Variants in WWOX observed in about 807,000 individuals in gnomAD.
The protein encoded by WWOX is WW domain containing oxidoreductase.
WWOX carries 69 observed loss-of-function variants against 46.2 expected under a neutral mutation model. The observed-to-expected ratio is 1.49, with a 90% confidence interval of 1.23 to 1.82. WWOX has a LOEUF of 1.82. WWOX is among the 40% of genes most tolerant of loss of function. WWOX has a pLI of 0.00. For missense variants in WWOX, 919 were observed against 542.6 expected (o/e 1.69, Z -6.89); for synonymous variants, 359 against 202.6 (o/e 1.77, Z -6.56).
At chr16:78,927,734 G>A (rs1045372512) in intron 8 of WWOX, among the ~76,000 whole-genome samples, 10 of 152,094 alleles carry the variant, frequency 6.6e-5, no homozygotes, top group African/African-American at 2.2e-4. Context: ...TGTATCTTTT[G>A]TTTCTGATTT....
intron 8 of WWOX, among the ~76,000 whole-genome samples, chr16:79,198,173 AC>A (rs11345990): frequency 0.095 from 14,264 of 150,514 alleles, 871 homozygotes; most frequent in African/African-American, 0.18. Flanking sequence ...AAAAAAAAAA[AC>A]AAAAACCACA....
At chr16:78,791,893 C>T (rs1165810111) in intron 8 of WWOX, among the ~76,000 whole-genome samples, 1 of 152,102 alleles carries the variant, frequency 6.6e-6, no homozygotes, top group Non-Finnish European at 1.5e-5. Context: ...ACAACAACAA[C>T]AACAACAACA....
chr16:78,603,890 C>T (rs1449274050), intron 8 of WWOX, among the ~76,000 whole-genome samples: 1 of 151,914 alleles, frequency 6.6e-6, no homozygotes, highest in Non-Finnish European at 1.5e-5. Context: ...ACCTGTAATC[C>T]CAGCACTTCA....
chr16:78,468,274 T>C (rs576907177), intron 8 of WWOX, among the ~76,000 whole-genome samples: 19 of 151,878 alleles, frequency 1.3e-4, no homozygotes, highest in Non-Finnish European at 2.6e-4. Flanking sequence ...CTTTTTTTTT[T>C]TTTTTTTTAA....
At chr16:78,325,678 G>T (rs1174730907) in intron 5 of WWOX, among the ~76,000 whole-genome samples, 3 of 152,198 alleles carry the variant, frequency 2.0e-5, no homozygotes, top group Admixed American at 2.0e-4. Flanking sequence ...TCTCCTTCTT[G>T]GAGATTGCTG....
At chr16:78,862,933 A>G (rs1597075610) in intron 8 of WWOX, among the ~76,000 whole-genome samples, 1 of 151,496 alleles carries the variant, frequency 6.6e-6, no homozygotes, top group South Asian at 2.1e-4. Flanking sequence ...GACACATACA[A>G]TTAGACATCA....
chr16:78,293,596 A>G (rs2079893428), intron 5 of WWOX, among the ~76,000 whole-genome samples: 1 of 152,130 alleles, frequency 6.6e-6, no homozygotes, highest in Non-Finnish European at 1.5e-5. Context: ...AGTAGGTCAT[A>G]AAGTGGAATC....
intron 8 of WWOX, among the ~76,000 whole-genome samples, chr16:78,985,988 T>C (rs2046777255): frequency 2.0e-5 from 3 of 152,210 alleles, no homozygotes; most frequent in African/African-American, 7.2e-5. Flanking sequence ...AACAATGCAC[T>C]GTGCTGACCT....
intron 4 of WWOX, among the ~76,000 whole-genome samples, chr16:78,131,777 G>A (rs1029326753): frequency 1.3e-4 from 19 of 151,042 alleles, no homozygotes; most frequent in African/African-American, 1.9e-4. Flanking sequence ...GTAGAGATGG[G>A]GTTTCACCAT....
chr16:78,356,059 A>ATCTTTTTTTTTTTTTTT (rs1597088749), intron 5 of WWOX, among the ~76,000 whole-genome samples: 2 of 73,262 alleles, frequency 2.7e-5, no homozygotes, highest in East Asian at 5.5e-4. Flanking sequence ...GACCACCAAG[A>ATCTTTTTTTTTTTTTTT]TTTTTTTTTC....
chr16:78,990,256 C>T (rs1392608397), intron 8 of WWOX, among the ~76,000 whole-genome samples: 1 of 151,750 alleles, frequency 6.6e-6, no homozygotes, highest in Non-Finnish European at 1.5e-5. Context: ...GCCTCCATTC[C>T]CCCCATGCTT....
At chr16:78,152,466 C>T (rs745654665) in intron 4 of WWOX, among the ~76,000 whole-genome samples, 4 of 152,096 alleles carry the variant, frequency 2.6e-5, no homozygotes, top group African/African-American at 7.2e-5. Context: ...TAGCTATGTC[C>T]CAACTGCCCC....
At chr16:78,154,165 C>G (rs1312190267) in intron 4 of WWOX, among the ~76,000 whole-genome samples, 1 of 152,186 alleles carries the variant, frequency 6.6e-6, no homozygotes, top group East Asian at 1.9e-4. Context: ...TAGGCAGTCC[C>G]TGGCTTTGTA....
intron 8 of WWOX, among the ~76,000 whole-genome samples, chr16:78,662,078 T>C (rs941807131): frequency 6.6e-6 from 1 of 151,966 alleles, no homozygotes; most frequent in South Asian, 2.1e-4. Flanking sequence ...GTAGTAGTGG[T>C]GGTGGTGGTG....
intron 8 of WWOX, among the ~76,000 whole-genome samples, chr16:78,728,607 A>G (rs903600547): frequency 6.6e-6 from 1 of 152,202 alleles, no homozygotes; most frequent in African/African-American, 2.4e-5. Context: ...TCTGATGAAA[A>G]GAGCTTTGAC....
At chr16:78,997,204 A>T (rs1473084450) in intron 8 of WWOX, among the ~76,000 whole-genome samples, 3 of 152,180 alleles carry the variant, frequency 2.0e-5, no homozygotes, top group African/African-American at 7.2e-5. Flanking sequence ...GCTTAACTCC[A>T]AGAGTCCTCA....
intron 1 of WWOX, among the ~76,000 whole-genome samples, chr16:78,101,493 C>A (rs1739395597): frequency 6.6e-6 from 1 of 152,016 alleles, no homozygotes; most frequent in South Asian, 2.1e-4. Flanking sequence ...ATTACAGGCG[C>A]CCGCCACCAG....
At chr16:78,158,521 G>C (rs2151729205) in intron 4 of WWOX, among the ~76,000 whole-genome samples, 1 of 143,056 alleles carries the variant, frequency 7.0e-6, no homozygotes, top group East Asian at 2.3e-4. Context: ...TTAAAATATA[G>C]ATTCATATTT....
At chr16:78,987,881 A>C (rs1372245260) in intron 8 of WWOX, among the ~76,000 whole-genome samples, 2 of 152,212 alleles carry the variant, frequency 1.3e-5, no homozygotes, top group Non-Finnish European at 2.9e-5. Context: ...TGCTGCTTAC[A>C]ACATGATTCC....
Sources: gnomAD v4.1 joint callset for allele counts (sites outside exome capture counted in the v4.1 genomes callset) on GRCh38, gnomAD v4.1.1 for gene constraint, MANE v1.5 for transcripts, NCBI Gene and HGNC (gene_info 2026-07-23, HGNC 2026-07-21) for gene names.